The following FAM135A variants were observed in gnomAD, a reference collection of about 807,000 sequenced individuals.
FAM135A encodes protein FAM135A.
In FAM135A, 79 loss-of-function variants were observed where a neutral mutation model predicts 146.8. The ratio of observed to expected loss-of-function variants is 0.54; its 90% CI spans 0.45 to 0.65. FAM135A has a LOEUF of 0.65. Among genes scored for constraint, FAM135A ranks in the 30% least tolerant of loss-of-function variants. FAM135A has a pLI of 0.00. For missense variants in FAM135A, 1,623 were observed against 1,758.2 expected, an observed-to-expected ratio of 0.92 and a Z score of 1.38; for synonymous variants, 562 against 603.6, an observed-to-expected ratio of 0.93 and a Z score of 1.01.
intron 5 of FAM135A, among the ~76,000 whole-genome samples, chr6:70,470,184 G>C (rs1023320217): frequency 6.6e-6 from 1 of 152,138 alleles, no homozygotes; most frequent in Admixed American, 6.5e-5. Context: ...GCTAAAGTCT[G>C]ATTGGAGTAT....
At chr6:70,475,099 G>GA (rs1234236421) in intron 5 of FAM135A, among the ~76,000 whole-genome samples, 1 of 152,116 alleles carries the variant, frequency 6.6e-6, no homozygotes, top group Non-Finnish European at 1.5e-5. Flanking sequence ...TTCAGCTATG[G>GA]AAAACTAAAT....
chr6:70,498,755 G>A (rs1400692345), intron 11 of FAM135A, among the ~76,000 whole-genome samples: 1 of 152,160 alleles, frequency 6.6e-6, no homozygotes, highest in African/African-American at 2.4e-5. Flanking sequence ...TTCAGGAGCA[G>A]GTTGTTCAGT....
In FAM135A at chr6:70,525,492, T is replaced by G; in HGVS notation, c.2408T>G (p.Leu803Ter). Residue 803 changes from leucine (L) to a stop codon, truncating the protein, a stop_gained, in exon 15 of 22, where the codon TTA becomes TGA. Coordinates refer to ENST00000418814, the MANE Select transcript of FAM135A (RefSeq NM_001162529.3). LOFTEE classifies it high-confidence loss of function. ...CAAGGTCCTTGCAATAGTGAAAGAT[T>G]ATTTCCTCAGCTTTTGATGAAACCT... ...QGQGPCNSERLFPQLLMKPDY... is the reference protein window; with the variant it reads ...QGQGPCNSER 6.2e-7 allele frequency: 1 copy of G among 1,612,414 alleles called. No homozygotes were observed. Among genetic ancestry groups the G allele is most frequent in the Non-Finnish European group, 8.5e-7 (1 of 1,179,270 alleles).
At chr6:70,548,672 A>G (rs1428315843) in intron 20 of FAM135A, among the ~76,000 whole-genome samples, 1 of 152,198 alleles carries the variant, frequency 6.6e-6, no homozygotes, top group Non-Finnish European at 1.5e-5. Context: ...GAAGAAATAT[A>G]TAATGCCTTT....
At chr6:70,485,220 A>G (rs1414496732) in intron 10 of FAM135A, among the ~76,000 whole-genome samples, 2 of 152,174 alleles carry the variant, frequency 1.3e-5, no homozygotes, top group African/African-American at 2.4e-5. Context: ...TTGAAAAAGT[A>G]TAGGCATCAA....
chr6:70,486,204 C>G (rs772275248), intron 10 of FAM135A: 6 of 1,613,822 alleles, frequency 3.7e-6, no homozygotes, highest in Non-Finnish European at 5.1e-6. Flanking sequence ...AGCGTCTTCT[C>G]AGAAGAAAAC....
rs1281393643 is a variant in FAM135A, at chr6:70,524,618, CAG to C, written c.1536_1537del (p.Asn513LeufsTer2). 1.3e-6 allele frequency: 2 copies of C among 1,545,766 alleles called. No homozygotes were observed. Among genetic ancestry groups the C allele is most frequent in the Admixed American group, 4.0e-5 (2 of 49,582 alleles). On this transcript the variant is annotated frameshift_variant, in exon 15 of 22. Coordinates refer to ENST00000418814, the MANE Select transcript of FAM135A (RefSeq NM_001162529.3). LOFTEE classifies it high-confidence loss of function. ...KSENTKKLIKQNSKDSVVLVG... is the reference protein window; with the variant it reads ...KSENTKKLIKXNSKDSVVLVG... ...TGAAAACACAAAAAAATTAATAAAA[CAG>C]AACTCTAAGGATTCTGTGGTTTTGG...
chr6:70,535,720 T>C (rs1407548390), intron 18 of FAM135A, among the ~76,000 whole-genome samples: 3 of 152,214 alleles, frequency 2.0e-5, no homozygotes, highest in Admixed American at 1.3e-4. Flanking sequence ...TAAATATTAT[T>C]CTTTTTGCAT....
At chr6:70,464,073 C>T (rs1779918304) in intron 5 of FAM135A, among the ~76,000 whole-genome samples, 1 of 152,152 alleles carries the variant, frequency 6.6e-6, no homozygotes, top group Non-Finnish European at 1.5e-5. Flanking sequence ...TTTTACTTCC[C>T]AGTAGTTGAG....
At position 70,526,612 on chromosome 6, in the gene FAM135A, C is replaced by G; in HGVS notation, c.3528C>G (p.Ala1176=). 1 of 1,613,294 alleles carries G rather than the reference C, an allele frequency of 6.2e-7. No individual in the cohort carries two copies. The highest frequency in any genetic ancestry group is 8.5e-7 in the Non-Finnish European group (1 of 1,179,626). Reference sequence around the variant, plus strand: ...ATTCTTCCAAAAGTAAATTTGATGCCATTACAAAGCAGCCAAGCAGTACTT... The same window carrying G: ...ATTCTTCCAAAAGTAAATTTGATGCGATTACAAAGCAGCCAAGCAGTACTT... ...VKYSSKSKFD[A]ITKQPSSTSY... is the part of the protein sequence containing the mutation. Residue 1176 remains alanine, a synonymous_variant, in exon 15 of 22, where the codon GCC becomes GCG. Transcript: ENST00000418814.
intron 5 of FAM135A, among the ~76,000 whole-genome samples, chr6:70,463,140 A>G (rs1008045409): frequency 1.3e-5 from 2 of 151,976 alleles, no homozygotes; most frequent in Admixed American, 6.6e-5. Flanking sequence ...GATGGGTTCT[A>G]TTTGCTCATA....
intron 16 of FAM135A, among the ~76,000 whole-genome samples, chr6:70,530,779 GA>G (rs367845646): frequency 3.5e-4 from 54 of 152,116 alleles, no homozygotes; most frequent in African/African-American, 1.1e-3. Flanking sequence ...AAAAATTGTG[GA>G]AAAATAGAGT....
intron 11 of FAM135A, among the ~76,000 whole-genome samples, chr6:70,492,137 T>C (rs1040997527): frequency 6.6e-6 from 1 of 151,814 alleles, no homozygotes; most frequent in Non-Finnish European, 1.5e-5. Flanking sequence ...TACTAAAATA[T>C]ATGTAAAATA....
At chr6:70,419,015 C>T (rs1410546621) in intron 2 of FAM135A, among the ~76,000 whole-genome samples, 2 of 152,184 alleles carry the variant, frequency 1.3e-5, no homozygotes, top group African/African-American at 4.8e-5. Flanking sequence ...GCTAGGTGTA[C>T]CTTCTGCCAA....
chr6:70,549,940 C>T (rs1252472651), intron 20 of FAM135A, among the ~76,000 whole-genome samples: 1 of 152,188 alleles, frequency 6.6e-6, no homozygotes, highest in Non-Finnish European at 1.5e-5. Flanking sequence ...CTTTTGTTGT[C>T]ATTTCAGCAA....
At chr6:70,554,585 A>G (rs1800465104) in intron 20 of FAM135A, among the ~76,000 whole-genome samples, 1 of 152,124 alleles carries the variant, frequency 6.6e-6, no homozygotes, top group South Asian at 2.1e-4. Flanking sequence ...GCAGAGGAGT[A>G]TAAGGTCCAG....
At chr6:70,526,766 T>TACAC (rs71538422) in intron 15 of FAM135A, 68 bp downstream of exon 15, 8,223 of 451,068 alleles carry the variant, frequency 0.018, 44 homozygotes, top group Middle Eastern at 0.039. Flanking sequence ...CACACACACA[T>TACAC]ACACACACAC....
At chr6:70,460,779 TTATC>T (rs551826342) in intron 5 of FAM135A, among the ~76,000 whole-genome samples, 2 of 148,472 alleles carry the variant, frequency 1.3e-5, no homozygotes, top group South Asian at 4.3e-4. Context: ...GATAGAAGAT[TTATC>T]TATCGATCTA....
In FAM135A at chr6:70,413,658, C is replaced by G. The variant is rs1766762626; in HGVS notation, c.-264C>G. 3.3e-6 allele frequency: 1 copy of G among 301,928 alleles called. No individual in the cohort carries two copies. The highest frequency in any genetic ancestry group is 2.3e-5 in the African/African-American group (1 of 44,262). 18.7% of individuals were successfully genotyped at this position (301,928 alleles called of 1,614,324 possible). On this transcript the variant is annotated 5_prime_UTR_variant, in exon 1 of 22. Transcript: ENST00000418814. ...CGTCTTCTTGCAGCTGGACAACGAG[C>G]TCCTCCGTTCGACAGGCGGGGGAAG...
Sources: allele counts gnomAD v4.1 joint callset (sites outside exome capture counted in the v4.1 genomes callset), GRCh38; gene constraint gnomAD v4.1.1; transcripts MANE v1.5; gene names NCBI Gene and HGNC (gene_info 2026-07-23, HGNC 2026-07-21).